The following STAU2 variants were observed in gnomAD, a reference collection of about 807,000 sequenced individuals.
STAU2 encodes the protein double-stranded RNA-binding protein Staufen homolog 2.
In STAU2, 20 loss-of-function variants were observed where a neutral mutation model predicts 65.9. That is an observed-to-expected ratio of 0.30 (90% CI 0.21 to 0.44). The LOEUF (loss-of-function observed/expected upper bound fraction) is 0.44, where lower values mean the gene tolerates loss of function less well. Ranked by LOEUF, STAU2 falls within the 20% of genes least tolerant of loss-of-function variation. The pLI is 1.00. For synonymous variants in STAU2, 232 were observed against 233.9 expected, an observed-to-expected ratio of 0.99 and a Z score of 0.07; for missense variants, 558 against 683.9, an observed-to-expected ratio of 0.82 and a Z score of 2.05.
chr8:73,638,754 G>T (rs1338101814), intron 6 of STAU2, among the ~76,000 whole-genome samples: 1 of 151,696 alleles, frequency 6.6e-6, no homozygotes, highest in Non-Finnish European at 1.5e-5. Flanking sequence ...ACATACAAAT[G>T]ATTCCATAAG....
chr8:73,726,460 T>C lies in STAU2; in HGVS notation c.-18+11824A>G, dbSNP rs140955358. 8.7e-3 allele frequency among the ~76,000 whole-genome samples: 1,324 copies of C among 152,288 alleles called. 21 individuals carry two copies. Among genetic ancestry groups the C allele is most frequent in the African/African-American group, 0.03 (1,232 of 41,562 alleles). On this transcript the variant is annotated intron_variant, in intron 3 of 14. Transcript: ENST00000524300. ...AATAAATAAAAGTCATTATTTCTTA[T>C]AATATTTTCTGTTGCCCCTCCCTTC...
intron 11 of STAU2, among the ~76,000 whole-genome samples, chr8:73,593,001 T>C (rs909618570): frequency 5.3e-5 from 8 of 152,208 alleles, no homozygotes; most frequent in African/African-American, 1.7e-4. Context: ...TAGCAGTCAT[T>C]CTCTATTCCT....
At chr8:73,644,718 A>T (rs1815243109) in intron 6 of STAU2, among the ~76,000 whole-genome samples, 1 of 152,176 alleles carries the variant, frequency 6.6e-6, no homozygotes, top group South Asian at 2.1e-4. Flanking sequence ...GACAAAGAAA[A>T]AAGAAGACAC....
chr8:73,666,515 T>C (rs373389762), intron 6 of STAU2, among the ~76,000 whole-genome samples: 129 of 152,290 alleles, frequency 8.5e-4, no homozygotes, highest in African/African-American at 3.0e-3. Flanking sequence ...ATTCTGGCCA[T>C]AGAAACAAGT....
intron 12 of STAU2, among the ~76,000 whole-genome samples, chr8:73,573,777 G>C (rs1809296211): frequency 6.6e-6 from 1 of 152,144 alleles, no homozygotes; most frequent in South Asian, 2.1e-4. Flanking sequence ...ACACTGAAAT[G>C]TTAGACCTAA....
intron 13 of STAU2, among the ~76,000 whole-genome samples, chr8:73,466,942 G>T (rs920554962): frequency 6.6e-6 from 1 of 152,194 alleles, no homozygotes; most frequent in Non-Finnish European, 1.5e-5. Context: ...GCCCACCATG[G>T]CCTGTTAGTG....
At chr8:73,598,226 C>CTTTT (rs138249622) in intron 10 of STAU2, among the ~76,000 whole-genome samples, 2 of 129,336 alleles carry the variant, frequency 1.5e-5, no homozygotes, top group Admixed American at 7.9e-5. Flanking sequence ...AAGAAGAAAA[C>CTTTT]TTTTTTTTTT....
At chr8:73,647,814 A>G (rs1445795673) in intron 6 of STAU2, among the ~76,000 whole-genome samples, 1 of 152,136 alleles carries the variant, frequency 6.6e-6, no homozygotes, top group African/African-American at 2.4e-5. Flanking sequence ...TCCTGGTCTC[A>G]AGCTATCTGT....
chr8:73,609,644 C>A (rs911664653), intron 9 of STAU2, among the ~76,000 whole-genome samples: 3 of 151,756 alleles, frequency 2.0e-5, no homozygotes, highest in East Asian at 3.9e-4. Flanking sequence ...CAGAGCGAGA[C>A]CCTGTCTCAA....
intron 6 of STAU2, among the ~76,000 whole-genome samples, chr8:73,648,220 T>C (rs1482631390): frequency 6.6e-6 from 1 of 152,234 alleles, no homozygotes; most frequent in African/African-American, 2.4e-5. Context: ...CTATCATTCC[T>C]AGTATTTTCT....
chr8:73,649,244 C>A (rs932210440), intron 6 of STAU2, among the ~76,000 whole-genome samples: 13 of 152,300 alleles, frequency 8.5e-5, no homozygotes, highest in African/African-American at 3.1e-4. Flanking sequence ...TCTAACTCAG[C>A]CAGTTAAAAA....
chr8:73,502,119 C>T (rs1821792639), intron 13 of STAU2, among the ~76,000 whole-genome samples: 1 of 151,776 alleles, frequency 6.6e-6, no homozygotes, highest in Non-Finnish European at 1.5e-5. Context: ...AATTAGCATC[C>T]ATGAAGTTAC....
intron 6 of STAU2, among the ~76,000 whole-genome samples, chr8:73,658,943 C>CAAAAAAA (rs71269931): frequency 1.4e-5 from 2 of 141,888 alleles, no homozygotes; most frequent in African/African-American, 5.1e-5. Flanking sequence ...ACAAAAACAA[C>CAAAAAAA]AAAAAAAAAA....
rs181693299 is a variant in STAU2, at chr8:73,589,847, T to C, written c.1161+5319A>G. On this transcript the variant is annotated intron_variant, in intron 11 of 14. Coordinates refer to ENST00000524300, the MANE Select transcript of STAU2 (RefSeq NM_001164380.2). The stretch of plus-strand genomic sequence containing the variant: ...ATGACATCAAATCACAGATCCAAAA[T>C]GCTCAGAGAACCCTATAAGGACAAG... Among the ~76,000 whole-genome samples, 177 of 151,466 alleles carry C rather than the reference T, an allele frequency of 1.2e-3. 2 individuals carry two copies. Among genetic ancestry groups the C allele is most frequent in the Non-Finnish European group, 1.9e-4 (13 of 67,888 alleles).
In STAU2 at chr8:73,421,120, G is replaced by T; in HGVS notation, c.*252C>A. 1 of 392,930 alleles carries T rather than the reference G, an allele frequency of 2.5e-6. No homozygotes were observed. Among genetic ancestry groups the T allele is most frequent in the Middle Eastern group, 6.7e-4 (1 of 1,502 alleles). The allele number at this position is 392,930 out of a possible 1,614,324, so 24.3% of individuals were successfully genotyped here. A position where few individuals can be genotyped will look rare whatever the true frequency, so the allele number is the denominator to read the frequency against. ...TTGTTATTTTAAGCTCCAGTAGCAG[G>T]ATCAGATTTCTGCTGCCTCTAGGCA... On this transcript the variant is annotated 3_prime_UTR_variant, in exon 15 of 15. Transcript: ENST00000524300.
chr8:73,714,164 A>T (rs542211411), intron 3 of STAU2, among the ~76,000 whole-genome samples: 4 of 152,198 alleles, frequency 2.6e-5, no homozygotes, highest in Admixed American at 2.6e-4. Context: ...CAGCCTCCCG[A>T]AGTGGTGGGA....
chr8:73,576,310 C>T (rs1453198525), intron 12 of STAU2, among the ~76,000 whole-genome samples: 1 of 151,462 alleles, frequency 6.6e-6, no homozygotes, highest in African/African-American at 2.4e-5. Context: ...CTTTATGTAA[C>T]AAAACAAAAT....
chr8:73,662,765 C>A (rs865912583), intron 6 of STAU2, among the ~76,000 whole-genome samples: 2 of 151,986 alleles, frequency 1.3e-5, no homozygotes, highest in Admixed American at 6.6e-5. Context: ...TACAGGCATG[C>A]GCCACCATGC....
At chr8:73,664,186 G>A (rs1817061485) in intron 6 of STAU2, among the ~76,000 whole-genome samples, 2 of 151,972 alleles carry the variant, frequency 1.3e-5, no homozygotes, top group Non-Finnish European at 2.9e-5. Flanking sequence ...CAAGTAGCTG[G>A]GACTAGAGGC....
Sources: allele counts gnomAD v4.1 joint callset (sites outside exome capture counted in the v4.1 genomes callset), GRCh38; gene constraint gnomAD v4.1.1; transcripts MANE v1.5; gene names NCBI Gene and HGNC (gene_info 2026-07-23, HGNC 2026-07-21).